The following DRC11 variants were observed in gnomAD, a reference collection of about 807,000 sequenced individuals.
The protein encoded by DRC11 is IQ and AAA domain-containing protein 1.
the DRC11 span, among the ~76,000 whole-genome samples, chr2:236,475,825 A>T: frequency 6.6e-6 from 1 of 152,188 alleles, no homozygotes; most frequent in Non-Finnish European, 1.5e-5. This position sits in a 1 kb window ranked among gnomAD's most constrained non-coding sequence, Gnocchi z 4.8. Context: ...TATTGAAGAG[A>T]CTGTCCTTTC....
the DRC11 span, among the ~76,000 whole-genome samples, chr2:236,420,677 G>A: frequency 6.6e-6 from 1 of 152,152 alleles, no homozygotes; most frequent in Non-Finnish European, 1.5e-5. The surrounding 1 kb of genome is among the most constrained non-coding windows in gnomAD (Gnocchi z 4.8). Flanking sequence ...AGGCATGGTG[G>A]TGCACACCTG....
chr2:236,470,842 T>C, the DRC11 span, among the ~76,000 whole-genome samples: 1 of 152,040 alleles, frequency 6.6e-6, no homozygotes, highest in African/African-American at 2.4e-5. The surrounding 1 kb of genome is among the most constrained non-coding windows in gnomAD (Gnocchi z 5.1). Context: ...TATTAAAGAA[T>C]AAAAAATGTT....
chr2:236,480,869 T>A, the DRC11 span, among the ~76,000 whole-genome samples: 1 of 152,254 alleles, frequency 6.6e-6, no homozygotes, highest in Non-Finnish European at 1.5e-5. Context: ...CCTTTTGATA[T>A]GTTTGCTTAG....
the DRC11 span, chr2:236,465,614 C>T: frequency 6.2e-7 from 1 of 1,613,876 alleles, no homozygotes; most frequent in East Asian, 2.2e-5. This position sits in a 1 kb window ranked among gnomAD's most constrained non-coding sequence, Gnocchi z 6.2. Flanking sequence ...TCCCTGTAGT[C>T]CTCTTCATGC....
At chr2:236,353,554 G>C in the DRC11 span, among the ~76,000 whole-genome samples, 2 of 152,132 alleles carry the variant, frequency 1.3e-5, no homozygotes, top group Non-Finnish European at 2.9e-5. This position sits in a 1 kb window ranked among gnomAD's most constrained non-coding sequence, Gnocchi z 5.0. Context: ...GGTTCTCTCT[G>C]AAAGGATCCT....
At chr2:236,497,177 G>C in the DRC11 span, 2 of 1,608,836 alleles carry the variant, frequency 1.2e-6, no homozygotes, top group Non-Finnish European at 1.7e-6. The surrounding 1 kb of genome is among the most constrained non-coding windows in gnomAD (Gnocchi z 5.1). Flanking sequence ...GCCAGCTTGA[G>C]ATCCTGCAGG....
chr2:236,491,059 TACACACA>T, the DRC11 span, among the ~76,000 whole-genome samples: 4 of 138,218 alleles, frequency 2.9e-5, no homozygotes, highest in Admixed American at 7.4e-5. Context: ...TATATATATA[TACACACA>T]GTATATACCC....
the DRC11 span, among the ~76,000 whole-genome samples, chr2:236,495,319 G>A: frequency 2.0e-5 from 3 of 152,156 alleles, no homozygotes; most frequent in Non-Finnish European, 4.4e-5. The surrounding 1 kb of genome is among the most constrained non-coding windows in gnomAD (Gnocchi z 5.6). Flanking sequence ...CTCCAGCCTG[G>A]GCAAGAACAG....
the DRC11 span, among the ~76,000 whole-genome samples, chr2:236,489,714 G>A: frequency 3.3e-5 from 5 of 152,132 alleles, no homozygotes; most frequent in African/African-American, 9.7e-5. Flanking sequence ...TTGAGTCCAG[G>A]AATTTTAAGA....
chr2:236,334,541 AG>A, the DRC11 span, among the ~76,000 whole-genome samples: 2 of 152,220 alleles, frequency 1.3e-5, no homozygotes, highest in Middle Eastern at 6.8e-3. This position sits in a 1 kb window ranked among gnomAD's most constrained non-coding sequence, Gnocchi z 7.8. Flanking sequence ...CCTCTTTTGG[AG>A]GCAAAAGGCT....
the DRC11 span, among the ~76,000 whole-genome samples, chr2:236,455,624 C>T: frequency 6.6e-6 from 1 of 152,194 alleles, no homozygotes; most frequent in Non-Finnish European, 1.5e-5. This position sits in a 1 kb window ranked among gnomAD's most constrained non-coding sequence, Gnocchi z 5.7. Context: ...ATTCAACTGG[C>T]ATCTACTGGG....
the DRC11 span, chr2:236,391,260 A>T: frequency 1.3e-5 from 2 of 152,406 alleles, no homozygotes; most frequent in East Asian, 3.9e-4. The surrounding 1 kb of genome is among the most constrained non-coding windows in gnomAD (Gnocchi z 4.5). Flanking sequence ...CTGATCTAGC[A>T]AAAGTAGTCA....
At chr2:236,407,681 TCTC>T in the DRC11 span, among the ~76,000 whole-genome samples, 1 of 152,112 alleles carries the variant, frequency 6.6e-6, no homozygotes, top group African/African-American at 2.4e-5. Flanking sequence ...TCTCAAGCCT[TCTC>T]CTCACCTCTG....
the DRC11 span, among the ~76,000 whole-genome samples, chr2:236,358,194 AATATATATACTATATGAATATATT>A: frequency 8.0e-6 from 1 of 125,398 alleles, no homozygotes; most frequent in Non-Finnish European, 1.6e-5. Context: ...ATGAATATAT[AATATATATACTATATGAATATATT>A]ATATACTGTA....
At chr2:236,501,045 C>G in the DRC11 span, among the ~76,000 whole-genome samples, 4 of 152,124 alleles carry the variant, frequency 2.6e-5, no homozygotes, top group Non-Finnish European at 5.9e-5. Context: ...CTCACGGTTC[C>G]ACAGGCTGTA....
At chr2:236,385,074 T>G in the DRC11 span, among the ~76,000 whole-genome samples, 1 of 152,014 alleles carries the variant, frequency 6.6e-6, no homozygotes, top group South Asian at 2.1e-4. Flanking sequence ...CCTTGTAGTA[T>G]AGTTTGAAGT....
chr2:236,499,247 G>A, the DRC11 span, among the ~76,000 whole-genome samples: 2 of 152,116 alleles, frequency 1.3e-5, no homozygotes, highest in South Asian at 4.1e-4. This position sits in a 1 kb window ranked among gnomAD's most constrained non-coding sequence, Gnocchi z 4.7. Flanking sequence ...CCTAAATGTG[G>A]CCTATACAGA....
the DRC11 span, chr2:236,503,714 C>T: frequency 6.5e-7 from 1 of 1,550,158 alleles, no homozygotes; most frequent in Non-Finnish European, 8.7e-7. This position sits in a 1 kb window ranked among gnomAD's most constrained non-coding sequence, Gnocchi z 4.9. Context: ...TTCCTGCTCC[C>T]CAGCTGTCCT....
At chr2:236,350,285 T>C in the DRC11 span, among the ~76,000 whole-genome samples, 2 of 152,188 alleles carry the variant, frequency 1.3e-5, no homozygotes, top group Admixed American at 6.5e-5. This position sits in a 1 kb window ranked among gnomAD's most constrained non-coding sequence, Gnocchi z 5.2. Flanking sequence ...GCTTCCTGAA[T>C]TTTTAACACA....
Sources: gnomAD v4.1 joint callset for allele counts (sites outside exome capture counted in the v4.1 genomes callset) on GRCh38, gnomAD v4.1.1 for gene constraint, Gnocchi (gnomAD v3.1) non-coding constraint, MANE v1.5 for transcripts, NCBI Gene and HGNC (gene_info 2026-07-23, HGNC 2026-07-21) for gene names.